RYR3: variants seen among roughly 807,000 people sequenced by gnomAD.
The protein encoded by RYR3 is ryanodine receptor 3.
Under a neutral mutation model 584.3 loss-of-function variants are expected in RYR3, and 207 were observed. That is an observed-to-expected ratio of 0.35 (90% CI 0.32 to 0.40). The LOEUF (loss-of-function observed/expected upper bound fraction) is 0.40, where lower values mean the gene tolerates loss of function less well. Among genes scored for constraint, RYR3 ranks in the 10% least tolerant of loss-of-function variants. The pLI, the probability that RYR3 is intolerant of heterozygous loss-of-function variation, is 1.00. For missense variants in RYR3, 5,616 were observed against 6,089.2 expected, an observed-to-expected ratio of 0.92 and a Z score of 2.59; for synonymous variants, 2,416 against 2,248.5, an observed-to-expected ratio of 1.07 and a Z score of -2.11.
intron 69 of RYR3, among the ~76,000 whole-genome samples, chr15:33,803,306 A>AT (rs2076013318): frequency 6.6e-6 from 1 of 152,104 alleles, no homozygotes. Context: ...GTTTTATTTG[A>AT]TTTTTCAGAA....
chr15:33,740,322 A>G lies in RYR3; in HGVS notation c.7820+327A>G, dbSNP rs188440138. ...TAATTTATTAATGAGCTTTTTGACAATATCTTTGCTCATGGTGAATTAGGC... is the reference window on the plus strand; with the variant it reads ...TAATTTATTAATGAGCTTTTTGACAGTATCTTTGCTCATGGTGAATTAGGC... On this transcript the variant is annotated intron_variant, in intron 51 of 103. Transcript: ENST00000634891. Among the ~76,000 whole-genome samples, 469 of 152,270 alleles carry G rather than the reference A, an allele frequency of 3.1e-3. 2 individuals carry two copies. The highest frequency in any genetic ancestry group is 0.011 in the African/African-American group (453 of 41,530).
chr15:33,522,142 A>T (rs2140973721), intron 3 of RYR3, among the ~76,000 whole-genome samples: 1 of 150,060 alleles, frequency 6.7e-6, no homozygotes, highest in East Asian at 2.0e-4. Flanking sequence ...GTGAGCCTGT[A>T]TTCCTAGCTA....
intron 10 of RYR3, 99 bp from the exon 11 acceptor site, chr15:33,562,738 G>C: frequency 1.3e-6 from 1 of 796,258 alleles, no homozygotes; most frequent in South Asian, 1.7e-5. Context: ...GTAACCAGTT[G>C]CCTGGCTTAC....
chr15:33,783,182 C>G (rs1365662408), intron 65 of RYR3, among the ~76,000 whole-genome samples: 1 of 152,180 alleles, frequency 6.6e-6, no homozygotes, highest in Non-Finnish European at 1.5e-5. Flanking sequence ...AGCCCCACCC[C>G]TAGGGTTTCT....
chr15:33,744,875 T>C (rs1415717317), intron 52 of RYR3, among the ~76,000 whole-genome samples: 1 of 152,170 alleles, frequency 6.6e-6, no homozygotes, highest in Non-Finnish European at 1.5e-5. Flanking sequence ...TTTACCAGGA[T>C]GGCAGCTTGC....
At chr15:33,681,059 G>A (rs189986992) in intron 38 of RYR3, among the ~76,000 whole-genome samples, 1 of 152,200 alleles carries the variant, frequency 6.6e-6, no homozygotes, top group East Asian at 1.9e-4. Flanking sequence ...AGAGCTCTGA[G>A]CCAGATTCAG....
chr15:33,841,872 A>G lies in RYR3; in HGVS notation c.13046A>G (p.Asp4349Gly), dbSNP rs2078390289. The change falls in exon 91 of 104, where the codon GAT becomes GGT. Residue 4349 changes from aspartate to glycine, a missense_variant. Asp to Gly is a moderately conservative substitution (Grantham distance 94, BLOSUM62 -1). This residue lies in a region of RYR3 where 918 missense variants were observed against 887.4 expected (regional missense o/e 1.03). Transcript: ENST00000634891. ...GTTTCCCATTTCTGCAGCATGGAAG[A>G]TGGAGAGAAGGAAGACAAAGACAAA... ...KVESEKADME[D>G]GEKEDKDKEE... 1.3e-6 allele frequency: 2 copies of G among 1,589,970 alleles called. No individual in the cohort carries two copies. The highest frequency in any genetic ancestry group is 2.3e-5 in the East Asian group (1 of 43,848).
chr15:33,645,434 A>G (rs542975207), intron 28 of RYR3, among the ~76,000 whole-genome samples: 190 of 152,270 alleles, frequency 1.2e-3, no homozygotes, highest in African/African-American at 4.2e-3. Context: ...TCATCCTCCC[A>G]TCTGAATTCA....
At chr15:33,501,525 C>T (rs770550656) in intron 2 of RYR3, among the ~76,000 whole-genome samples, 27 of 152,186 alleles carry the variant, frequency 1.8e-4, no homozygotes, top group Non-Finnish European at 3.8e-4. Flanking sequence ...TAACTGCAGA[C>T]ATTCTTCAAT....
intron 97 of RYR3, 28 bp from the exon 98 acceptor site, chr15:33,854,738 T>C (rs2079468540): frequency 6.3e-7 from 1 of 1,583,256 alleles, no homozygotes; most frequent in African/African-American, 1.4e-5. Context: ...GCAAACATGC[T>C]TAAAAGTCTG....
At chr15:33,649,295 C>A (rs1362362141) in intron 31 of RYR3, 60 bp downstream of exon 31, 24 of 1,494,340 alleles carry the variant, frequency 1.6e-5, no homozygotes, top group Non-Finnish European at 2.2e-5. Flanking sequence ...TCCCCCCAGT[C>A]TTTTTCTTCC....
intron 38 of RYR3, among the ~76,000 whole-genome samples, chr15:33,690,670 A>C (rs532178260): frequency 6.6e-6 from 1 of 152,180 alleles, no homozygotes; most frequent in East Asian, 1.9e-4. Flanking sequence ...TTGGTTTCCA[A>C]TCACAGCCTC....
chr15:33,359,471 G>A (rs898145688), intron 1 of RYR3, among the ~76,000 whole-genome samples: 2 of 152,108 alleles, frequency 1.3e-5, no homozygotes, highest in Non-Finnish European at 2.9e-5. Context: ...TGCATGTCCT[G>A]TTGTCAGTAC....
At chr15:33,534,778 A>G (rs1168485790) in intron 5 of RYR3, among the ~76,000 whole-genome samples, 1 of 152,222 alleles carries the variant, frequency 6.6e-6, no homozygotes, top group African/African-American at 2.4e-5. Flanking sequence ...GAACATCAGC[A>G]ATTAATGAGC....
At chr15:33,365,837 T>C (rs1567103528) in intron 1 of RYR3, among the ~76,000 whole-genome samples, 1 of 152,168 alleles carries the variant, frequency 6.6e-6, no homozygotes, top group Non-Finnish European at 1.5e-5. Context: ...ATTGCATTTA[T>C]TATATATATA....
At chr15:33,703,350 C>A (rs1453063981) in intron 42 of RYR3, among the ~76,000 whole-genome samples, 1 of 152,118 alleles carries the variant, frequency 6.6e-6, no homozygotes, top group Non-Finnish European at 1.5e-5. Context: ...GGTTGGGTGA[C>A]ATAAACATCG....
In RYR3 at chr15:33,460,668, G is replaced by A. The variant is rs143680496; in HGVS notation, c.52-12751G>A. ...GGAATAATTAACAAAAGAAATCGCC[G>A]TCTTGCTCTGAGCAGTGACTTAATA... On this transcript the variant is annotated intron_variant, in intron 1 of 103. Coordinates refer to ENST00000634891, the MANE Select transcript of RYR3 (RefSeq NM_001036.6). Among the ~76,000 whole-genome samples the A allele has an allele frequency of 1.1e-3, 173 of 152,266 alleles. No homozygotes were observed. In the South Asian group the frequency reaches 0.017, roughly 15 times the overall value.
At position 33,739,883 on chromosome 15, in the gene RYR3, G is replaced by A; in HGVS notation, c.7708G>A (p.Ala2570Thr). 1 of 1,613,682 alleles carries A rather than the reference G, an allele frequency of 6.2e-7. No homozygotes were observed. The change falls in exon 51 of 104, where the codon GCT becomes ACT. Residue 2570 changes from alanine (A) to threonine (T), a missense_variant. By Grantham distance (58) the Ala-to-Thr change is moderately conservative. Transcript: ENST00000634891. ...GGCCCTGCCTTGTCTCAGTGCTATA[G>A]CTGGGGCCTTGCCACCAGATTATTT... Reference protein sequence around the residue: ...RMALPCLSAIAGALPPDYLDT... With the variant: ...RMALPCLSAITGALPPDYLDT...
intron 1 of RYR3, among the ~76,000 whole-genome samples, chr15:33,323,456 C>T (rs1289068099): frequency 6.6e-6 from 1 of 152,106 alleles, no homozygotes; most frequent in Non-Finnish European, 1.5e-5. Context: ...GCTGAGGATT[C>T]TTTCTGCCAG....
Sources: gnomAD v4.1 joint callset for allele counts (sites outside exome capture counted in the v4.1 genomes callset) on GRCh38, gnomAD v4.1.1 for gene constraint, gnomAD v4.1.1 regional missense constraint, MANE v1.5 for transcripts, NCBI Gene and HGNC (gene_info 2026-07-23, HGNC 2026-07-21) for gene names.